Variants in NEK10 observed in about 807,000 individuals in gnomAD.
The protein encoded by NEK10 is serine/threonine-protein kinase Nek10.
NEK10 carries 122 observed loss-of-function variants against 159.8 expected under a neutral mutation model. That is an observed-to-expected ratio of 0.76 (90% CI 0.66 to 0.89). The LOEUF is 0.89. Ranked by LOEUF, NEK10 falls within the 40% of genes least tolerant of loss-of-function variation. The pLI is 0.00. For missense variants in NEK10, 1,342 were observed against 1,323.1 expected (o/e 1.01, Z -0.22); for synonymous variants, 466 against 457.1 (o/e 1.02, Z -0.25).
intron 4 of NEK10, among the ~76,000 whole-genome samples, chr3:27,344,650 C>G (rs188704937): frequency 6.6e-6 from 1 of 152,134 alleles, no homozygotes; most frequent in East Asian, 1.9e-4. Flanking sequence ...TTAAATTATT[C>G]CCTATAAACA....
chr3:27,257,796 T>C (rs1421440143), intron 22 of NEK10, among the ~76,000 whole-genome samples: 3 of 105,370 alleles, frequency 2.8e-5, no homozygotes, highest in Admixed American at 9.6e-5. Flanking sequence ...TTCTTTTTTT[T>C]TTTTTTTTTT....
intron 20 of NEK10, 71 bp from the exon 21 acceptor site, chr3:27,285,032 A>C (rs1464833374): frequency 1.1e-5 from 13 of 1,215,180 alleles, no homozygotes; most frequent in Non-Finnish European, 1.5e-5. Flanking sequence ...TTTACGAATG[A>C]GAGTTCAAGC....
intron 1 of NEK10, among the ~76,000 whole-genome samples, chr3:27,364,398 G>A (rs1240081893): frequency 9.8e-6 from 1 of 101,752 alleles, no homozygotes; most frequent in Non-Finnish European, 2.2e-5. Flanking sequence ...GTGTGTGTGT[G>A]TGTGTGTATA....
chr3:27,141,447 A>C (rs539130519), intron 31 of NEK10, 35 bp downstream of exon 31: 4 of 1,491,182 alleles, frequency 2.7e-6, no homozygotes, highest in Non-Finnish European at 3.7e-6. Flanking sequence ...ACTTGCATTT[A>C]AGATGAAAAG....
chr3:27,195,496 T>G (rs1248418061), intron 25 of NEK10, among the ~76,000 whole-genome samples: 2 of 152,238 alleles, frequency 1.3e-5, no homozygotes, highest in African/African-American at 4.8e-5. Context: ...TGAGGAGTCT[T>G]AACTTTAAAT....
intron 20 of NEK10, 64 bp from the exon 21 acceptor site, chr3:27,285,025 AC>A: frequency 1.5e-6 from 2 of 1,314,994 alleles, no homozygotes; most frequent in Non-Finnish European, 2.1e-6. Context: ...GAAAAACTTT[AC>A]GAATGAGAGT....
chr3:27,222,620 T>C (rs1320243973), intron 23 of NEK10, among the ~76,000 whole-genome samples: 1 of 152,202 alleles, frequency 6.6e-6, no homozygotes, highest in Non-Finnish European at 1.5e-5. Context: ...TGAATTTCTT[T>C]TATAATGATA....
intron 26 of NEK10, among the ~76,000 whole-genome samples, chr3:27,190,117 T>C (rs1948981052): frequency 6.6e-6 from 1 of 152,168 alleles, no homozygotes; most frequent in South Asian, 2.1e-4. Flanking sequence ...TACAATATAT[T>C]CAAACACATT....
At position 27,110,721 on chromosome 3, in the gene NEK10, C is replaced by A. The variant is rs1939421187; in HGVS notation, c.*551G>T. On this transcript the variant is annotated 3_prime_UTR_variant, in exon 36 of 36. Coordinates refer to ENST00000691995, the MANE Select transcript of NEK10 (RefSeq NM_001394966.1). ...AGTGGTTAAGCGAGAACCAACCCAT[C>A]CATTAAAAAAAAAAAAATTTAATCA... The A allele has an allele frequency of 1.3e-5, 2 of 151,236 alleles. No individual in the cohort carries two copies. Among genetic ancestry groups the A allele is most frequent in the Admixed American group, 6.6e-5 (1 of 15,158 alleles). The allele number at this position is 151,236 out of a possible 1,614,324, so 9.4% of individuals were successfully genotyped here.
chr3:27,220,026 C>T (rs889021057), intron 23 of NEK10, among the ~76,000 whole-genome samples: 1 of 152,094 alleles, frequency 6.6e-6, no homozygotes, highest in African/African-American at 2.4e-5. Context: ...AAGTACATGA[C>T]TTGTACACTA....
intron 23 of NEK10, among the ~76,000 whole-genome samples, chr3:27,211,434 G>A (rs1951000056): frequency 6.6e-6 from 1 of 152,174 alleles, no homozygotes; most frequent in Admixed American, 6.5e-5. Flanking sequence ...GTTCTGAGTG[G>A]ACAACCAAAT....
intron 25 of NEK10, among the ~76,000 whole-genome samples, chr3:27,196,842 T>C (rs1460785810): frequency 6.6e-6 from 1 of 152,180 alleles, no homozygotes; most frequent in African/African-American, 2.4e-5. Context: ...TAATGTACTT[T>C]CCAAAAAACA....
chr3:27,289,339 C>T (rs2042838651), intron 19 of NEK10, among the ~76,000 whole-genome samples: 1 of 152,172 alleles, frequency 6.6e-6, no homozygotes, highest in South Asian at 2.1e-4. Context: ...TCCATTCTAG[C>T]CCCATTTGTT....
intron 25 of NEK10, among the ~76,000 whole-genome samples, chr3:27,199,706 C>G (rs977630488): frequency 6.6e-6 from 1 of 152,156 alleles, no homozygotes; most frequent in Non-Finnish European, 1.5e-5. Flanking sequence ...ATGGAATCAA[C>G]ATAAATGCCC....
intron 3 of NEK10, among the ~76,000 whole-genome samples, chr3:27,349,621 T>C (rs1204293692): frequency 1.3e-5 from 2 of 152,198 alleles, no homozygotes; most frequent in East Asian, 1.9e-4. Context: ...TCTTCCATCT[T>C]TTTTTAAAAT....
chr3:27,273,384 A>C (rs1281076862), intron 22 of NEK10, among the ~76,000 whole-genome samples: 1 of 152,118 alleles, frequency 6.6e-6, no homozygotes, highest in African/African-American at 2.4e-5. Flanking sequence ...TTAAGAGATG[A>C]CCTCTAGAAG....
chr3:27,248,834 T>C (rs1463496283), intron 23 of NEK10, among the ~76,000 whole-genome samples: 1 of 152,242 alleles, frequency 6.6e-6, no homozygotes, highest in East Asian at 1.9e-4. Flanking sequence ...TCTGTAGCCA[T>C]TGGATGAGAT....
chr3:27,174,576 G>A (rs775218746), intron 27 of NEK10, 51 bp from the exon 28 acceptor site: 3 of 1,601,320 alleles, frequency 1.9e-6, no homozygotes, highest in Non-Finnish European at 2.6e-6. Context: ...GAAACAGGAA[G>A]GAGTCCAGAA....
intron 30 of NEK10, among the ~76,000 whole-genome samples, chr3:27,154,795 C>G (rs1004997218): frequency 6.6e-6 from 1 of 152,104 alleles, no homozygotes; most frequent in Admixed American, 6.5e-5. Context: ...AAGGGACATA[C>G]CTCAATGTAA....
Sources: gnomAD v4.1 joint callset for allele counts (sites outside exome capture counted in the v4.1 genomes callset) on GRCh38, gnomAD v4.1.1 for gene constraint, MANE v1.5 for transcripts, NCBI Gene and HGNC (gene_info 2026-07-23, HGNC 2026-07-21) for gene names.